The following DNAJC15 variants were observed in gnomAD, a reference collection of about 807,000 sequenced individuals.
The protein encoded by DNAJC15 is dnaJ homolog subfamily C member 15.
Under a neutral mutation model 22.4 loss-of-function variants are expected in DNAJC15, and 27 were observed. The observed-to-expected ratio is 1.20, with a 90% CI of 0.89 to 1.66. DNAJC15 has a LOEUF of 1.66. Among genes scored for constraint, DNAJC15 ranks in the 40% most tolerant of loss-of-function variants. The pLI, the probability that DNAJC15 is intolerant of heterozygous loss-of-function variation, is 0.00. For missense variants in DNAJC15, 208 were observed against 187.1 expected, an observed-to-expected ratio of 1.11 and a Z score of -0.65; for synonymous variants, 79 against 63.2, an observed-to-expected ratio of 1.25 and a Z score of -1.19.
chr13:43,036,469 T>G, intron 1 of DNAJC15, among the ~76,000 whole-genome samples: 1 of 152,232 alleles, frequency 6.6e-6, no homozygotes, highest in South Asian at 2.1e-4. Flanking sequence ...GATGGGTGGC[T>G]GGCCATGGGC....
intron 1 of DNAJC15, among the ~76,000 whole-genome samples, chr13:43,051,634 GGTGTGTGTGT>G (rs57271276): frequency 3.8e-5 from 5 of 133,152 alleles, no homozygotes; most frequent in East Asian, 2.4e-4. Context: ...AGTACTTCAT[GGTGTGTGTGT>G]GTGTGTGTGT....
In DNAJC15 at chr13:43,081,502, G is replaced by T. The variant is rs375572326; in HGVS notation, c.311+2814G>T. On this transcript the variant is annotated intron_variant, in intron 4 of 5. Transcript: ENST00000379221. ...TGCCCAGGCTGGAGTACAGTGGCAC[G>T]ATCTCCCCTCACTGCAAGCTGCGCC... Among the ~76,000 whole-genome samples, 5 of 151,552 alleles carry T rather than the reference G, an allele frequency of 3.3e-5. No individual in the cohort carries two copies. In the South Asian group the frequency reaches 8.4e-4, roughly 25 times the overall value.
intron 4 of DNAJC15, 192 bp downstream of exon 4, chr13:43,078,880 AAAC>A (rs2040648425): frequency 5.0e-6 from 2 of 399,656 alleles, no homozygotes; most frequent in South Asian, 6.7e-5. Context: ...AAACAAAACA[AAAC>A]AAAAAAACAG....
rs971003848 is a variant in DNAJC15, at chr13:43,065,734, G to A, written c.157G>A (p.Ala53Thr). ...ACTGGGTGTTGCAGCTCTTGCATTT[G>A]CAGGTAAGATAAAGAATACATACCA... ...VGLGVAALAF[A>T]GRYAFRIWKP... The change falls in exon 2 of 6, where the codon GCA becomes ACA. Residue 53 changes from alanine to threonine, a missense_variant. Ala to Thr is a moderately conservative substitution (Grantham distance 58). Transcript: ENST00000379221. The A allele has an allele frequency of 1.2e-6, 2 of 1,612,940 alleles. No individual in the cohort carries two copies. The highest frequency in any genetic ancestry group is 2.7e-5 in the African/African-American group (2 of 74,912).
intron 5 of DNAJC15, among the ~76,000 whole-genome samples, chr13:43,086,217 C>T (rs2762166): frequency 0.016 from 2,382 of 152,234 alleles, 53 homozygotes; most frequent in African/African-American, 0.054. Flanking sequence ...GGATTTCCTC[C>T]AAATCTGTGA....
Position 43,065,717 on chromosome 13 carries a change from T to C in DNAJC15, c.140T>C (p.Val47Ala). The C allele has an allele frequency of 6.2e-7, 1 of 1,613,306 alleles. No individual in the cohort carries two copies. Among genetic ancestry groups the C allele is most frequent in the Non-Finnish European group, 8.5e-7 (1 of 1,179,676 alleles). Residue 47 changes from valine to alanine, a missense_variant, in exon 2 of 6, where the codon GTT (valine) becomes GCT (alanine). Physicochemically the swap from Val to Ala is moderately conservative, Grantham distance 64. Coordinates refer to ENST00000379221, the MANE Select transcript of DNAJC15 (RefSeq NM_013238.3). ...VRSLIAVGLGVAALAFAGRYA... is the reference protein window; with the variant it reads ...VRSLIAVGLGAAALAFAGRYA... ...AGTTTGATAGCTGTAGGACTGGGTG[T>C]TGCAGCTCTTGCATTTGCAGGTAAG...
At chr13:43,101,269 C>T (rs1246702376) in intron 5 of DNAJC15, among the ~76,000 whole-genome samples, 1 of 152,172 alleles carries the variant, frequency 6.6e-6, no homozygotes, top group Non-Finnish European at 1.5e-5. Context: ...CTCAAGTGAT[C>T]CTCCTGCCCC....
At chr13:43,023,845 G>A (rs1048621048) in intron 1 of DNAJC15, 111 bp downstream of exon 1, 2 of 1,016,880 alleles carry the variant, frequency 2.0e-6, no homozygotes, top group Non-Finnish European at 2.9e-6. Flanking sequence ...TTCGCTCACG[G>A]TCTGTGCCCT....
chr13:43,103,914 T>G (rs2040783154), intron 5 of DNAJC15, among the ~76,000 whole-genome samples: 1 of 152,228 alleles, frequency 6.6e-6, no homozygotes, highest in South Asian at 2.1e-4. Flanking sequence ...CATTTTACCT[T>G]AAAATGTACT....
At chr13:43,103,991 A>G (rs2040783604) in intron 5 of DNAJC15, among the ~76,000 whole-genome samples, 1 of 152,122 alleles carries the variant, frequency 6.6e-6, no homozygotes, top group Non-Finnish European at 1.5e-5. Flanking sequence ...TCTATTTCTT[A>G]AAAGTATAGT....
At chr13:43,042,223 A>G (rs1192465083) in intron 1 of DNAJC15, among the ~76,000 whole-genome samples, 2 of 152,222 alleles carry the variant, frequency 1.3e-5, no homozygotes, top group Non-Finnish European at 2.9e-5. Context: ...AGTTTAATTT[A>G]TAAATTAGGT....
chr13:43,034,089 C>T (rs112472425), intron 1 of DNAJC15, among the ~76,000 whole-genome samples: 8 of 150,462 alleles, frequency 5.3e-5, no homozygotes, highest in African/African-American at 2.0e-4. Context: ...AGTGTACATA[C>T]TATAAACATG....
intron 1 of DNAJC15, among the ~76,000 whole-genome samples, chr13:43,062,561 C>T (rs1268722817): frequency 6.6e-6 from 1 of 152,088 alleles, no homozygotes; most frequent in African/African-American, 2.4e-5. Context: ...GGAAAACAAG[C>T]AAATGCCTGA....
intron 4 of DNAJC15, 129 bp from the exon 5 acceptor site, chr13:43,085,639 T>A: frequency 1.6e-6 from 1 of 642,626 alleles, no homozygotes; most frequent in Non-Finnish European, 2.6e-6. Context: ...TGGAAAGCTG[T>A]AGTTTCATAT....
chr13:43,089,104 TA>T (rs1299089576), intron 5 of DNAJC15, among the ~76,000 whole-genome samples: 1 of 152,170 alleles, frequency 6.6e-6, no homozygotes. Flanking sequence ...AGTAAATGAA[TA>T]AACAAATGGA....
chr13:43,083,167 C>CT (rs1363953363), intron 4 of DNAJC15, among the ~76,000 whole-genome samples: 3 of 151,378 alleles, frequency 2.0e-5, no homozygotes, highest in African/African-American at 2.4e-5. Context: ...ATCCTAATTT[C>CT]TTTTTTTTGT....
At chr13:43,041,173 G>A (rs888014558) in intron 1 of DNAJC15, among the ~76,000 whole-genome samples, 5 of 152,202 alleles carry the variant, frequency 3.3e-5, no homozygotes, top group Admixed American at 2.0e-4. Flanking sequence ...AACCTTGGAC[G>A]ATACCTGGCT....
intron 5 of DNAJC15, among the ~76,000 whole-genome samples, chr13:43,104,007 A>G (rs1472804771): frequency 1.3e-5 from 2 of 152,178 alleles, no homozygotes; most frequent in Non-Finnish European, 2.9e-5. Flanking sequence ...ATAGTCTCTT[A>G]TAACAATATA....
Position 43,024,341 on chromosome 13 carries a change from T to TTTG in DNAJC15, c.108+609_108+610insGTT, listed in dbSNP as rs1209158280. On this transcript the variant is annotated intron_variant, in intron 1 of 5. Transcript: ENST00000379221. ...GAGCCACATACGTATTTTTACGTTTTTTTTTTTTTTTTTTTTTTTTGAGAC... is the reference window on the plus strand; with the variant it reads ...GAGCCACATACGTATTTTTACGTTTTTTGTTTTTTTTTTTTTTTTTTTTGAGAC... Among the ~76,000 whole-genome samples the TTTG allele has an allele frequency of 6.8e-3, 492 of 72,702 alleles. 3 individuals are homozygous for TTTG. The highest frequency in any genetic ancestry group is 0.029 in the African/African-American group (435 of 15,148). The allele number at this position is 72,702 out of a possible 152,430, so 47.7% of individuals were successfully genotyped here.
Sources: allele counts gnomAD v4.1 joint callset (sites outside exome capture counted in the v4.1 genomes callset), GRCh38; gene constraint gnomAD v4.1.1; transcripts MANE v1.5; gene names NCBI Gene and HGNC (gene_info 2026-07-23, HGNC 2026-07-21).